Variants in MYT1 observed in about 807,000 individuals in gnomAD.
MYT1 encodes the protein myelin transcription factor 1, also known as myelin transcription factor I.
MYT1 carries 23 observed loss-of-function variants against 123.0 expected under a neutral mutation model. The observed-to-expected ratio is 0.19, with a 90% confidence interval of 0.13 to 0.26. MYT1 has a LOEUF of 0.26. MYT1 is among the 10% of genes least tolerant of loss of function. The pLI is 1.00. For synonymous variants in MYT1, 518 were observed against 575.3 expected, an observed-to-expected ratio of 0.90 and a Z score of 1.43; for missense variants, 1,125 against 1,472.5, an observed-to-expected ratio of 0.76 and a Z score of 3.86.
chr20:64,236,408 CCG>C (rs2145737147), intron 19 of MYT1, 145 bp from the exon 20 acceptor site: 2 of 656,922 alleles, frequency 3.0e-6, no homozygotes, highest in East Asian at 2.9e-5. Context: ...CCTGGGCTGG[CCG>C]TGGTGGGTGA....
chr20:64,205,022 T>C lies in MYT1; in HGVS notation c.87-13T>C. ...ATCGCCTGATGTGGCCTTGCCTTTTTATTTCCCCTCAGCTGCCCCACCCCA... is the reference window on the plus strand; with the variant it reads ...ATCGCCTGATGTGGCCTTGCCTTTTCATTTCCCCTCAGCTGCCCCACCCCA... On this transcript the variant is annotated splice_polypyrimidine_tract_variant and intron_variant, in intron 4 of 22. Coordinates refer to ENST00000328439, the MANE Select transcript of MYT1 (RefSeq NM_004535.3). The C allele has an allele frequency of 6.2e-7, 1 of 1,614,002 alleles. No individual in the cohort carries two copies. Among genetic ancestry groups the C allele is most frequent in the Non-Finnish European group, 8.5e-7 (1 of 1,179,994 alleles).
At position 64,232,052 on chromosome 20, in the gene MYT1, A is replaced by G. The variant is rs763360577; in HGVS notation, c.2676-112A>G. ...AGCGGCCCTCCCTGCCTCACTCAGAAGCCCTTTAACGGCTCTGAGTTGGGC... is the reference window on the plus strand; with the variant it reads ...AGCGGCCCTCCCTGCCTCACTCAGAGGCCCTTTAACGGCTCTGAGTTGGGC... On this transcript the variant is annotated intron_variant, in intron 18 of 22. Coordinates refer to ENST00000328439, the MANE Select transcript of MYT1 (RefSeq NM_004535.3). The surrounding 1 kb of genome is among the most constrained non-coding windows in gnomAD (Gnocchi z 6.9). The G allele has an allele frequency of 1.9e-6, 2 of 1,059,154 alleles. No homozygotes were observed. Among genetic ancestry groups the G allele is most frequent in the Non-Finnish European group, 2.8e-6 (2 of 721,162 alleles). The allele number at this position is 1,059,154 out of a possible 1,614,324, so 65.6% of individuals were successfully genotyped here.
In MYT1 at chr20:64,217,670, G is replaced by T. The variant is rs373884224; in HGVS notation, c.1846+389G>T. On this transcript the variant is annotated intron_variant, in intron 11 of 22. Transcript: ENST00000328439. Reference sequence around the variant, plus strand: ...CTACCTGTTTAATCCCAGTGCAGCCGGCTGTCCATTTCCCAGCCCTGCCTC... The same window carrying T: ...CTACCTGTTTAATCCCAGTGCAGCCTGCTGTCCATTTCCCAGCCCTGCCTC... Among the ~76,000 whole-genome samples, 66 of 152,332 alleles carry T rather than the reference G, an allele frequency of 4.3e-4. No individual in the cohort carries two copies. In the South Asian group the frequency reaches 0.013, roughly 29 times the overall value.
rs560044653 is a variant in MYT1, at chr20:64,240,631, G to A, written c.*183G>A. ...TCCCACGAGGCTCCCTCCAGGCTTG[G>A]GGCCGTGGTGGCCCTATCTGTGTGC... On this transcript the variant is annotated 3_prime_UTR_variant, in exon 23 of 23. Coordinates refer to ENST00000328439, the MANE Select transcript of MYT1 (RefSeq NM_004535.3). 2.7e-6 allele frequency: 2 copies of A among 731,330 alleles called. No homozygotes were observed. The highest frequency in any genetic ancestry group is 2.8e-5 in the East Asian group (1 of 35,576). The allele number at this position is 731,330 out of a possible 1,614,324, so 45.3% of individuals were successfully genotyped here.
At chr20:64,206,525 G>T (rs1010025803) in intron 6 of MYT1, among the ~76,000 whole-genome samples, 1 of 152,074 alleles carries the variant, frequency 6.6e-6, no homozygotes, top group Admixed American at 6.5e-5. Context: ...GTCAGATGAG[G>T]CCCAAGGTCC....
At position 64,222,050 on chromosome 20, in the gene MYT1, A is replaced by G. The variant is rs1458186273; in HGVS notation, c.2396+3A>G. 59 of 1,612,158 alleles carry G rather than the reference A, an allele frequency of 3.7e-5. No individual in the cohort carries two copies. Among genetic ancestry groups the G allele is most frequent in the Non-Finnish European group, 4.9e-5 (58 of 1,179,904 alleles). On this transcript the variant is annotated splice_donor_region_variant and intron_variant, in intron 14 of 22. Transcript: ENST00000328439. ...GACATAAAGAAGGAGCTGCTCACGT[A>G]AGTCCCTGTTTGGCTGGCACAGCTC...
chr20:64,235,629 C>T (rs1370855256), intron 19 of MYT1, among the ~76,000 whole-genome samples: 5 of 141,282 alleles, frequency 3.5e-5, no homozygotes, highest in Admixed American at 6.9e-5. Flanking sequence ...TGGTGGGTGA[C>T]CCTGGGCTGG....
Position 64,218,020 on chromosome 20 carries a change from T to G in MYT1, c.1846+739T>G, listed in dbSNP as rs1402701014. Among the ~76,000 whole-genome samples the G allele has an allele frequency of 6.6e-6, 1 of 152,224 alleles. No homozygotes were observed. Among genetic ancestry groups the G allele is most frequent in the Non-Finnish European group, 1.5e-5 (1 of 68,042 alleles). ...GAGTGGCATCGCGGGGCAGATGTTG[T>G]CAGCCCCAAACATGACGTGACGAGT... On this transcript the variant is annotated intron_variant, in intron 11 of 22. Coordinates refer to ENST00000328439, the MANE Select transcript of MYT1 (RefSeq NM_004535.3). This position sits in a 1 kb window ranked among gnomAD's most constrained non-coding sequence, Gnocchi z 4.0.
At position 64,219,852 on chromosome 20, in the gene MYT1, A is replaced by G; in HGVS notation, c.2111A>G (p.His704Arg). The G allele has an allele frequency of 6.2e-7, 1 of 1,607,692 alleles. No homozygotes were observed. Among genetic ancestry groups the G allele is most frequent in the Non-Finnish European group, 8.5e-7 (1 of 1,177,064 alleles). ...AAGTCTCCCGACGCCTCCCAGCGCC[A>G]CAGCAGCACCAGCGCCCCCAGCAGC... The part of the protein sequence containing the change: ...GVKSPDASQR[H>R]SSTSAPSSSM... Residue 704 changes from histidine (H) to arginine (R), a missense_variant, in exon 13 of 23, where the codon CAC (histidine) becomes CGC (arginine). His to Arg is a conservative substitution (Grantham distance 29). Around this residue, in one of 4 missense-constraint regions of MYT1, gnomAD observed 429 missense variants for 604.1 expected, o/e 0.71. Coordinates refer to ENST00000328439, the MANE Select transcript of MYT1 (RefSeq NM_004535.3).
intron 1 of MYT1, among the ~76,000 whole-genome samples, chr20:64,180,018 A>G (rs938056510): frequency 6.6e-6 from 1 of 151,460 alleles, no homozygotes; most frequent in African/African-American, 2.4e-5. Context: ...CGCTACACAC[A>G]TGCTACATGC....
chr20:64,197,642 C>T (rs1011842168), intron 2 of MYT1, among the ~76,000 whole-genome samples: 2 of 152,202 alleles, frequency 1.3e-5, no homozygotes, highest in Non-Finnish European at 2.9e-5. Context: ...GGTGTGGCTC[C>T]CCGGGAAGGA....
At chr20:64,216,761 G>A (rs1280983953) in intron 10 of MYT1, among the ~76,000 whole-genome samples, 2 of 152,188 alleles carry the variant, frequency 1.3e-5, no homozygotes, top group African/African-American at 4.8e-5. Context: ...CTAAGTTCTG[G>A]GGAAAATCTT....
rs752719325 is a variant in MYT1, at chr20:64,212,045, C to T, written c.1427-3C>T. 4.3e-6 allele frequency: 7 copies of T among 1,613,034 alleles called. No individual in the cohort carries two copies. The South Asian group carries it at 4.4e-5, about 10-fold the overall frequency. ...GCTCCCTCCACCCCCTGTTCTCTTA[C>T]AGTCTTAGCCATGCATGAGAACGTG... On this transcript the variant is annotated splice_polypyrimidine_tract_variant and splice_region_variant and intron_variant, in intron 8 of 22. Transcript: ENST00000328439. The surrounding 1 kb of genome is among the most constrained non-coding windows in gnomAD (Gnocchi z 6.8).
chr20:64,173,560 T>C lies in MYT1; in HGVS notation c.-99+8821T>C, dbSNP rs111626407. ...ATCCTTCCCTTTAGTTGTGTCCATTTCCCCTCCCTGACTTCTCCTCCTGCA... is the reference window on the plus strand; with the variant it reads ...ATCCTTCCCTTTAGTTGTGTCCATTCCCCCTCCCTGACTTCTCCTCCTGCA... On this transcript the variant is annotated intron_variant, in intron 1 of 22. Coordinates refer to ENST00000328439, the MANE Select transcript of MYT1 (RefSeq NM_004535.3). Among the ~76,000 whole-genome samples, 454 of 121,788 alleles carry C rather than the reference T, an allele frequency of 3.7e-3. 2 individuals carry two copies. The highest frequency in any genetic ancestry group is 0.027 in the Middle Eastern group (5 of 188). 79.9% of individuals were successfully genotyped at this position (121,788 alleles called of 152,430 possible). A position where few individuals can be genotyped will look rare whatever the true frequency, so the allele number is the denominator to read the frequency against.
At chr20:64,201,935 G>C (rs1042158917) in intron 4 of MYT1, among the ~76,000 whole-genome samples, 2 of 140,842 alleles carry the variant, frequency 1.4e-5, no homozygotes, top group African/African-American at 5.1e-5. Flanking sequence ...GAACCCCCGC[G>C]TGTCGGGAAC....
intron 7 of MYT1, among the ~76,000 whole-genome samples, chr20:64,209,326 G>C (rs988979190): frequency 2.6e-5 from 4 of 152,234 alleles, no homozygotes; most frequent in Non-Finnish European, 5.9e-5. Flanking sequence ...CTGGCCAGGG[G>C]CTGCTCCCTC....
intron 1 of MYT1, among the ~76,000 whole-genome samples, chr20:64,172,867 C>T (rs1423947483): frequency 3.3e-5 from 5 of 151,154 alleles, no homozygotes; most frequent in Admixed American, 1.3e-4. Flanking sequence ...CTGCCTCGGC[C>T]TCCTGCATGT....
Position 64,168,527 on chromosome 20 carries a change from C to T in MYT1, c.-99+3788C>T, listed in dbSNP as rs1243489078. Among the ~76,000 whole-genome samples, 1 of 152,198 alleles carries T rather than the reference C, an allele frequency of 6.6e-6. No individual in the cohort carries two copies. Among genetic ancestry groups the T allele is most frequent in the Admixed American group, 6.5e-5 (1 of 15,286 alleles). On this transcript the variant is annotated intron_variant, in intron 1 of 22. Transcript: ENST00000328439. This position sits in a 1 kb window ranked among gnomAD's most constrained non-coding sequence, Gnocchi z 6.1. ...CATCTGCCTTGGCCAGGATTGGAGTCCAGGCCTTGCAGAGGAGAGAGGATG... is the reference window on the plus strand; with the variant it reads ...CATCTGCCTTGGCCAGGATTGGAGTTCAGGCCTTGCAGAGGAGAGAGGATG...
intron 17 of MYT1, among the ~76,000 whole-genome samples, 185 bp from the exon 18 acceptor site, chr20:64,227,702 AC>A (rs1236425668): frequency 6.6e-6 from 1 of 152,024 alleles, no homozygotes; most frequent in African/African-American, 2.4e-5. Flanking sequence ...CTCCTTCCCG[AC>A]CCTGCTGCCT....
Sources: allele counts gnomAD v4.1 joint callset (sites outside exome capture counted in the v4.1 genomes callset), GRCh38; gene constraint gnomAD v4.1.1; regional missense constraint gnomAD v4.1.1; non-coding constraint Gnocchi (gnomAD v3.1); transcripts MANE v1.5; gene names NCBI Gene and HGNC (gene_info 2026-07-23, HGNC 2026-07-21).